Variants in NPR3 observed in about 807,000 individuals in gnomAD.
NPR3 encodes atrial natriuretic peptide receptor 3.
Under a neutral mutation model 54.5 loss-of-function variants are expected in NPR3, and 34 were observed. The ratio of observed to expected loss-of-function variants is 0.62; its 90% CI spans 0.47 to 0.83. The LOEUF (loss-of-function observed/expected upper bound fraction) is 0.83. Ranked by LOEUF, NPR3 falls within the 40% of genes least tolerant of loss-of-function variation. NPR3 has a pLI of 0.00. For missense variants in NPR3, 674 were observed against 720.8 expected (o/e 0.94, Z 0.74); for synonymous variants, 289 against 297.1 (o/e 0.97, Z 0.28).
At chr5:32,782,787 C>T in intron 5 of NPR3, 106 bp from the exon 6 acceptor site, 4 of 1,103,422 alleles carry the variant, frequency 3.6e-6, no homozygotes, top group Middle Eastern at 2.0e-4. Context: ...CAGAGGCAGC[C>T]AGTTTAGATC....
chr5:32,760,985 T>G (rs1741133194), intron 3 of NPR3, among the ~76,000 whole-genome samples: 1 of 152,144 alleles, frequency 6.6e-6, no homozygotes, highest in Admixed American at 6.6e-5. Context: ...CTATTTTAAG[T>G]GCGGTTCTTA....
intron 3 of NPR3, among the ~76,000 whole-genome samples, chr5:32,763,896 T>C (rs769493831): frequency 1.3e-5 from 2 of 152,236 alleles, no homozygotes; most frequent in Non-Finnish European, 2.9e-5. Context: ...GTCCTTGAAC[T>C]TTTGGAAACT....
At position 32,712,134 on chromosome 5, in the gene NPR3, G is replaced by C. The variant is rs1159327375; in HGVS notation, c.358G>C (p.Val120Leu). 1 of 1,613,552 alleles carries C rather than the reference G, an allele frequency of 6.2e-7. No homozygotes were observed. The highest frequency in any genetic ancestry group is 8.5e-7 in the Non-Finnish European group (1 of 1,179,796). Reference protein sequence around the residue: ...NRALFSLVDRVAAARGAKPDL... With the variant: ...NRALFSLVDRLAAARGAKPDL... ...TGCGCTCTTCAGCTTGGTGGACCGC[G>C]TGGCGGCGGCGCGGGGCGCCAAGCC... The change falls in exon 1 of 8, where the codon GTG (valine) becomes CTG (leucine). Residue 120 changes from valine (V) to leucine (L), a missense_variant. Val to Leu is a conservative substitution (Grantham distance 32). Coordinates refer to ENST00000265074, the MANE Select transcript of NPR3 (RefSeq NM_001204375.2).
At chr5:32,735,548 T>A (rs1739690271) in intron 2 of NPR3, among the ~76,000 whole-genome samples, 1 of 152,244 alleles carries the variant, frequency 6.6e-6, no homozygotes, top group Admixed American at 6.5e-5. Flanking sequence ...TTTTAGCTTT[T>A]TTGGTGTGAC....
At chr5:32,748,849 T>C (rs1319500551) in intron 3 of NPR3, among the ~76,000 whole-genome samples, 6 of 152,236 alleles carry the variant, frequency 3.9e-5, no homozygotes, top group Non-Finnish European at 8.8e-5. Context: ...TCTGGAACTT[T>C]AAAATGGGAT....
upstream of NPR3, chr5:32,710,858 G>GTTTTTTTTTTTTTTTTTT (rs1561072778): frequency 9.5e-6 from 10 of 1,047,744 alleles, no homozygotes; most frequent in South Asian, 3.8e-5. Flanking sequence ...CCCCAGTCCT[G>GTTTTTTTTTTTTTTTTTT]GTTTTTTTTT....
chr5:32,714,266 G>C (rs890774350), intron 1 of NPR3, among the ~76,000 whole-genome samples: 2 of 152,230 alleles, frequency 1.3e-5, no homozygotes, highest in Non-Finnish European at 2.9e-5. Context: ...CGGCTGCCCC[G>C]GCGCACGTGG....
chr5:32,754,384 T>C (rs564168913), intron 3 of NPR3, among the ~76,000 whole-genome samples: 2 of 151,676 alleles, frequency 1.3e-5, no homozygotes, highest in African/African-American at 4.8e-5. Context: ...GCACTTTGAG[T>C]GATAGTAGCC....
In NPR3 at chr5:32,724,769, A is replaced by C. The variant is rs191643316; in HGVS notation, c.841A>C (p.Ser281Arg). 73 of 1,613,948 alleles carry C rather than the reference A, an allele frequency of 4.5e-5. 1 individual carries two copies. The East Asian group carries it at 6.0e-4, about 13-fold the overall frequency. The change falls in exon 2 of 8, where the codon AGT becomes CGT. Residue 281 changes from serine (S) to arginine (R), a missense_variant. Ser to Arg is a moderately radical substitution (Grantham distance 110, BLOSUM62 -1). Transcript: ENST00000265074. ...GGTGGCGCACAGGCATGGCATGACC[A>C]GTGGAGACTACGCCTTCTTCAACAT... Reference protein sequence around the residue: ...MLVAHRHGMTSGDYAFFNIEL... With the variant: ...MLVAHRHGMTRGDYAFFNIEL...
chr5:32,756,035 G>T (rs1202602877), intron 3 of NPR3, among the ~76,000 whole-genome samples: 2 of 152,198 alleles, frequency 1.3e-5, no homozygotes, highest in Non-Finnish European at 2.9e-5. Flanking sequence ...CCAAGTCTTT[G>T]CTATGTGAAT....
chr5:32,754,041 A>T (rs1465464571), intron 3 of NPR3, among the ~76,000 whole-genome samples: 1 of 152,210 alleles, frequency 6.6e-6, no homozygotes, highest in African/African-American at 2.4e-5. Flanking sequence ...CTGACAGGCC[A>T]CTGCCAGCTT....
At chr5:32,717,476 G>A (rs1396669646) in intron 1 of NPR3, among the ~76,000 whole-genome samples, 1 of 152,208 alleles carries the variant, frequency 6.6e-6, no homozygotes, top group Non-Finnish European at 1.5e-5. Context: ...CACCAACAGT[G>A]TAAAAGTGTT....
chr5:32,781,125 G>A (rs1270128225), intron 5 of NPR3, among the ~76,000 whole-genome samples: 1 of 152,114 alleles, frequency 6.6e-6, no homozygotes, highest in Non-Finnish European at 1.5e-5. Context: ...TTTTCTGAGG[G>A]GGAGTGGGAG....
At chr5:32,730,643 A>G (rs2111915059) in intron 2 of NPR3, among the ~76,000 whole-genome samples, 1 of 152,344 alleles carries the variant, frequency 6.6e-6, no homozygotes, top group East Asian at 1.9e-4. Context: ...TACAGGTTCA[A>G]CATACAAAAA....
At chr5:32,724,882 A>T in intron 2 of NPR3, 62 bp downstream of exon 2, 1 of 1,587,526 alleles carries the variant, frequency 6.3e-7, no homozygotes, top group Non-Finnish European at 8.6e-7. Context: ...TCAGATGCCC[A>T]TGAATGGTGG....
chr5:32,767,059 C>G (rs908076826), intron 3 of NPR3, among the ~76,000 whole-genome samples: 1 of 152,238 alleles, frequency 6.6e-6, no homozygotes, highest in Non-Finnish European at 1.5e-5. Context: ...GAGGTCAACT[C>G]AGTCACAGCA....
chr5:32,756,868 C>T (rs958411768), intron 3 of NPR3, among the ~76,000 whole-genome samples: 6 of 152,176 alleles, frequency 3.9e-5, no homozygotes, highest in African/African-American at 1.2e-4. Context: ...GGAATCCTTT[C>T]CCCATTTCTT....
At chr5:32,736,717 G>A (rs1425721466) in intron 2 of NPR3, among the ~76,000 whole-genome samples, 2 of 152,150 alleles carry the variant, frequency 1.3e-5, no homozygotes, top group Non-Finnish European at 2.9e-5. Context: ...TGCCTGCCTG[G>A]TGGCTCACTG....
upstream of NPR3, among the ~76,000 whole-genome samples, chr5:32,707,359 A>G (rs150007605): frequency 5.2e-4 from 79 of 152,242 alleles, no homozygotes; most frequent in African/African-American, 1.9e-3. Flanking sequence ...GATTTATATA[A>G]TAGAAGAAAA....
Sources: gnomAD v4.1 joint callset for allele counts (sites outside exome capture counted in the v4.1 genomes callset) on GRCh38, gnomAD v4.1.1 for gene constraint, MANE v1.5 for transcripts, NCBI Gene and HGNC (gene_info 2026-07-23, HGNC 2026-07-21) for gene names.